ERC1: variants seen among roughly 807,000 people sequenced by gnomAD.
The protein encoded by ERC1 is ELKS/RAB6-interacting/CAST family member 1.
A neutral mutation model predicts 132.0 loss-of-function variants in ERC1; 56 were observed. The observed-to-expected ratio is 0.42, with a 90% CI of 0.34 to 0.53. ERC1 has a LOEUF of 0.53. ERC1 is among the 20% of genes least tolerant of loss of function. The pLI is 0.03. For synonymous variants in ERC1, 478 were observed against 476.1 expected, an observed-to-expected ratio of 1.00 and a Z score of -0.05; for missense variants, 1,202 against 1,349.9, an observed-to-expected ratio of 0.89 and a Z score of 1.72.
In ERC1 at chr12:1,028,502, T is replaced by C; in HGVS notation, c.599T>C (p.Leu200Pro). ...WSPELKKERA[L>P]RKDEASKITI... ...CCAGAGCTGAAGAAGGAACGAGCCC[T>C]GAGAAAAGATGAAGCTTCCAAAATC... Residue 200 changes from leucine (L) to proline (P), a missense_variant, in exon 2 of 19, where the codon CTG becomes CCG. Physicochemically the swap from Leu to Pro is moderately conservative, Grantham distance 98. Coordinates refer to ENST00000360905, the MANE Select transcript of ERC1 (RefSeq NM_178040.4). The C allele has an allele frequency of 6.2e-7, 1 of 1,614,024 alleles. No homozygotes were observed. Among genetic ancestry groups the C allele is most frequent in the Non-Finnish European group, 8.5e-7 (1 of 1,179,950 alleles).
chr12:1,038,643 G>A (rs1435000872), intron 2 of ERC1, among the ~76,000 whole-genome samples: 2 of 152,184 alleles, frequency 1.3e-5, no homozygotes, highest in East Asian at 1.9e-4. Flanking sequence ...ACAGGCGTGA[G>A]CCACTGTGCC....
Position 1,364,954 on chromosome 12 carries a change from G to A in ERC1, c.2781-6879G>A, listed in dbSNP as rs371331483. Among the ~76,000 whole-genome samples, 17 of 152,162 alleles carry A rather than the reference G, an allele frequency of 1.1e-4. No homozygotes were observed. In the South Asian group the frequency reaches 3.5e-3, roughly 32 times the overall value. On this transcript the variant is annotated intron_variant, in intron 15 of 18. Coordinates refer to ENST00000360905, the MANE Select transcript of ERC1 (RefSeq NM_178040.4). ...ATAAACCAAAATCTCTCTCTTTTGC[G>A]ACTTCCCCTGCTTTAGTAACAATTG...
At chr12:1,194,478 A>G (rs913381514) in intron 12 of ERC1, among the ~76,000 whole-genome samples, 10 of 152,144 alleles carry the variant, frequency 6.6e-5, no homozygotes, top group Non-Finnish European at 2.9e-5. Flanking sequence ...AGCGTACTGG[A>G]GGCTGATACA....
chr12:1,044,464 A>G (rs1171985301), intron 2 of ERC1, among the ~76,000 whole-genome samples: 2 of 152,220 alleles, frequency 1.3e-5, no homozygotes, highest in Non-Finnish European at 2.9e-5. Context: ...CTAAAGGGCA[A>G]AGAGCCTTCA....
At chr12:1,243,449 A>G (rs1391730403) in intron 13 of ERC1, among the ~76,000 whole-genome samples, 2 of 137,658 alleles carry the variant, frequency 1.5e-5, no homozygotes, top group Non-Finnish European at 3.0e-5. Flanking sequence ...CTGAGGTGCT[A>G]TGTAGGGATG....
intron 11 of ERC1, among the ~76,000 whole-genome samples, chr12:1,186,349 A>G (rs574321181): frequency 1.3e-5 from 2 of 152,334 alleles, no homozygotes; most frequent in East Asian, 3.9e-4. Flanking sequence ...GTGTTTTACT[A>G]TGACATGTAT....
chr12:1,148,430 C>T (rs1250601516), intron 8 of ERC1, among the ~76,000 whole-genome samples: 2 of 152,102 alleles, frequency 1.3e-5, no homozygotes, highest in African/African-American at 4.8e-5. Flanking sequence ...CTTTGTCCTT[C>T]CTCTTCATCC....
rs140235441 is a variant in ERC1, at chr12:1,411,816, G to A, written c.3024+3569G>A. Among the ~76,000 whole-genome samples, 910 of 152,138 alleles carry A rather than the reference G, an allele frequency of 6.0e-3. 10 individuals carry two copies. The highest frequency in any genetic ancestry group is 0.021 in the African/African-American group (860 of 41,492). On this transcript the variant is annotated intron_variant, in intron 17 of 18. Transcript: ENST00000360905. ...ATGTGGACATGATTATATTTTTGTC[G>A]CAAATCCTTTTTCTGGCCAATCAGA...
At chr12:1,058,510 G>T (rs935344744) in intron 2 of ERC1, among the ~76,000 whole-genome samples, 4 of 152,106 alleles carry the variant, frequency 2.6e-5, no homozygotes, top group African/African-American at 9.7e-5. Context: ...CTGTAAATAT[G>T]TGGATTTATT....
chr12:1,269,148 G>C (rs1307016113), intron 14 of ERC1, among the ~76,000 whole-genome samples: 1 of 152,218 alleles, frequency 6.6e-6, no homozygotes, highest in African/African-American at 2.4e-5. Context: ...GATAAACAAA[G>C]TAGCTGTAAT....
At position 1,351,238 on chromosome 12, in the gene ERC1, G is replaced by A. The variant is rs191899492; in HGVS notation, c.2781-20595G>A. ...AAGAATAGCTCTGAAATATAGTCTA[G>A]TCCTATTGTCACTGATATTTTCTCT... On this transcript the variant is annotated intron_variant, in intron 15 of 18. Coordinates refer to ENST00000360905, the MANE Select transcript of ERC1 (RefSeq NM_178040.4). Among the ~76,000 whole-genome samples the A allele has an allele frequency of 1.4e-4, 21 of 152,292 alleles. No homozygotes were observed. The East Asian group carries it at 3.9e-3, about 28-fold the overall frequency.
intron 12 of ERC1, among the ~76,000 whole-genome samples, chr12:1,200,305 C>T (rs1956784382): frequency 6.6e-6 from 1 of 152,024 alleles, no homozygotes. Context: ...TTATTCTTTT[C>T]TCTTTGACTG....
chr12:1,372,047 C>G, intron 16 of ERC1, 70 bp downstream of exon 16: 1 of 1,542,122 alleles, frequency 6.5e-7, no homozygotes, highest in Non-Finnish European at 8.8e-7. Flanking sequence ...AGGTCTTTGC[C>G]AGCTTGTACT....
intron 18 of ERC1, 53 bp downstream of exon 18, chr12:1,444,803 G>C (rs2093258127): frequency 6.4e-7 from 1 of 1,557,602 alleles, no homozygotes; most frequent in African/African-American, 1.4e-5. Context: ...CAGTTGCTGT[G>C]TAGGTTGATG....
At chr12:1,073,424 G>T (rs1940779266) in intron 2 of ERC1, among the ~76,000 whole-genome samples, 1 of 152,080 alleles carries the variant, frequency 6.6e-6, no homozygotes, top group South Asian at 2.1e-4. Flanking sequence ...CACCAAGGTG[G>T]GCGGATAACC....
At chr12:1,045,118 C>T (rs1021885279) in intron 2 of ERC1, among the ~76,000 whole-genome samples, 2 of 152,030 alleles carry the variant, frequency 1.3e-5, no homozygotes, top group African/African-American at 4.8e-5. Flanking sequence ...ACATAGAATG[C>T]TTAAATTTTC....
intron 16 of ERC1, chr12:1,390,773 G>T (rs1375324060): frequency 6.6e-6 from 1 of 152,224 alleles, no homozygotes; most frequent in Admixed American, 6.5e-5. Context: ...AGGTTGCCCT[G>T]CCCTAGAAGT....
At chr12:1,109,877 G>C (rs1182716092) in intron 4 of ERC1, among the ~76,000 whole-genome samples, 1 of 152,162 alleles carries the variant, frequency 6.6e-6, no homozygotes, top group African/African-American at 2.4e-5. Context: ...GCAAAACCCT[G>C]TCTCTACTAA....
At chr12:1,406,147 TAGG>T (rs1365258308) in intron 16 of ERC1, among the ~76,000 whole-genome samples, 1 of 152,154 alleles carries the variant, frequency 6.6e-6, no homozygotes, top group Non-Finnish European at 1.5e-5. Flanking sequence ...CAGTCTTATG[TAGG>T]AGAAAACTGT....
Sources: allele counts gnomAD v4.1 joint callset (sites outside exome capture counted in the v4.1 genomes callset), GRCh38; gene constraint gnomAD v4.1.1; transcripts MANE v1.5; gene names NCBI Gene and HGNC (gene_info 2026-07-23, HGNC 2026-07-21).